Variants in SEMA3A observed in about 807,000 individuals in gnomAD.
The protein encoded by SEMA3A is semaphorin 3A.
A neutral mutation model predicts 97.9 loss-of-function variants in SEMA3A; 29 were observed. The observed-to-expected ratio is 0.30, with a 90% CI of 0.22 to 0.40. SEMA3A has a LOEUF of 0.40. Among genes scored for constraint, SEMA3A ranks in the 10% least tolerant of loss-of-function variants. The pLI, the probability that SEMA3A is intolerant of heterozygous loss-of-function variation, is 1.00. For synonymous variants in SEMA3A, 321 were observed against 323.7 expected, an observed-to-expected ratio of 0.99 and a Z score of 0.09; for missense variants, 763 against 951.3, an observed-to-expected ratio of 0.80 and a Z score of 2.60.
chr7:84,456,991 C>T (rs1000167860), intron 1 of SEMA3A, among the ~76,000 whole-genome samples: 3 of 151,534 alleles, frequency 2.0e-5, no homozygotes, highest in Admixed American at 6.6e-5. Flanking sequence ...TTTCAGATAG[C>T]AAGCATACTG....
At chr7:84,331,500 G>A (rs1019391067) in intron 2 of SEMA3A, among the ~76,000 whole-genome samples, 5 of 152,060 alleles carry the variant, frequency 3.3e-5, no homozygotes, top group Admixed American at 6.6e-5. Context: ...CATTGAAATT[G>A]TTCTTTATTA....
At chr7:83,995,878 A>T (rs930118907) in intron 12 of SEMA3A, among the ~76,000 whole-genome samples, 1 of 152,210 alleles carries the variant, frequency 6.6e-6, no homozygotes, top group Non-Finnish European at 1.5e-5. Flanking sequence ...ACTTTTTTAG[A>T]ATGAGTTTAT....
chr7:84,035,375 G>C (rs976849677), intron 6 of SEMA3A, among the ~76,000 whole-genome samples: 12 of 151,892 alleles, frequency 7.9e-5, no homozygotes, highest in African/African-American at 2.9e-4. Flanking sequence ...TAAAATTACT[G>C]GCATGTAAAA....
intron 2 of SEMA3A, among the ~76,000 whole-genome samples, chr7:84,339,567 T>G (rs1417603502): frequency 2.0e-5 from 3 of 152,144 alleles, no homozygotes; most frequent in Non-Finnish European, 2.9e-5. Flanking sequence ...GTATGGTGAC[T>G]TAAAGAATGT....
chr7:84,492,363 T>C (rs1461323648), intron 1 of SEMA3A: 3 of 152,158 alleles, frequency 2.0e-5, no homozygotes, highest in East Asian at 3.9e-4. Flanking sequence ...AGCTTTGTCC[T>C]AGTTCACTTT....
At chr7:84,134,622 G>T (rs866691702) in intron 2 of SEMA3A, among the ~76,000 whole-genome samples, 172 bp downstream of exon 2, 4 of 152,112 alleles carry the variant, frequency 2.6e-5, no homozygotes, top group Middle Eastern at 3.4e-3. Flanking sequence ...GATATTTTTT[G>T]ATTTATTGCA....
chr7:84,240,318 G>C (rs917830060), intron 3 of SEMA3A, among the ~76,000 whole-genome samples: 1 of 151,508 alleles, frequency 6.6e-6, no homozygotes, highest in Non-Finnish European at 1.5e-5. Flanking sequence ...GAGTGGCGAA[G>C]TTTTGCAGAT....
chr7:84,012,055 G>GTT (rs1404342073), intron 7 of SEMA3A, among the ~76,000 whole-genome samples: 3 of 152,108 alleles, frequency 2.0e-5, no homozygotes, highest in Non-Finnish European at 4.4e-5. Flanking sequence ...GATGCAGAGA[G>GTT]TAGAATGGTG....
At chr7:83,993,103 G>A (rs1321448782) in intron 12 of SEMA3A, among the ~76,000 whole-genome samples, 1 of 143,136 alleles carries the variant, frequency 7.0e-6, no homozygotes, top group African/African-American at 2.6e-5. Context: ...ATCTTTGTTG[G>A]TTTCAAGTCT....
intron 1 of SEMA3A, among the ~76,000 whole-genome samples, chr7:84,405,362 G>T (rs1804049624): frequency 6.6e-6 from 1 of 152,142 alleles, no homozygotes; most frequent in South Asian, 2.1e-4. Context: ...AAATATATAT[G>T]CACCCAATAC....
chr7:84,470,999 C>T (rs970341045), intron 1 of SEMA3A, among the ~76,000 whole-genome samples: 8 of 151,960 alleles, frequency 5.3e-5, no homozygotes, highest in African/African-American at 1.4e-4. Context: ...AGAGATGGGC[C>T]TATTTTAACA....
At chr7:84,384,864 G>A (rs536322557) in intron 1 of SEMA3A, among the ~76,000 whole-genome samples, 2 of 152,080 alleles carry the variant, frequency 1.3e-5, no homozygotes, top group Non-Finnish European at 2.9e-5. Context: ...AATTGCAGAT[G>A]AAACAGTCTG....
At chr7:84,484,448 T>C (rs901178744) in intron 1 of SEMA3A, among the ~76,000 whole-genome samples, 15 of 152,230 alleles carry the variant, frequency 9.9e-5, no homozygotes, top group Admixed American at 7.9e-4. Context: ...AAAATTCTTC[T>C]TTTTAATTTA....
At chr7:84,391,352 G>C (rs1803569957) in intron 1 of SEMA3A, among the ~76,000 whole-genome samples, 1 of 152,070 alleles carries the variant, frequency 6.6e-6, no homozygotes, top group African/African-American at 2.4e-5. Flanking sequence ...AATCTGGCTA[G>C]GAAACATATG....
chr7:83,993,787 A>C (rs375755490), intron 12 of SEMA3A, among the ~76,000 whole-genome samples: 1 of 125,290 alleles, frequency 8.0e-6, no homozygotes, highest in African/African-American at 3.2e-5. Flanking sequence ...TCTGACAATT[A>C]TGTGTCTTGG....
intron 4 of SEMA3A, among the ~76,000 whole-genome samples, chr7:84,083,123 C>T (rs1471937676): frequency 6.6e-6 from 1 of 151,404 alleles, no homozygotes; most frequent in Admixed American, 6.6e-5. Flanking sequence ...GGTAAATAAA[C>T]CAATGTATGA....
intron 3 of SEMA3A, among the ~76,000 whole-genome samples, chr7:84,301,582 A>T (rs1451598812): frequency 6.6e-6 from 1 of 152,134 alleles, no homozygotes; most frequent in East Asian, 1.9e-4. Context: ...AAGTTTTGCT[A>T]GGATGTAGAG....
chr7:84,177,610 CT>C, intron 1 of SEMA3A, among the ~76,000 whole-genome samples: 1 of 152,012 alleles, frequency 6.6e-6, no homozygotes, highest in East Asian at 1.9e-4. Flanking sequence ...GAAAAAAACC[CT>C]AGTAATTTTT....
intron 1 of SEMA3A, among the ~76,000 whole-genome samples, chr7:84,476,824 G>A (rs1479918223): frequency 6.6e-6 from 1 of 151,834 alleles, no homozygotes; most frequent in Non-Finnish European, 1.5e-5. Context: ...TCTTCACTGT[G>A]CTGACATTAA....
Sources: gnomAD v4.1 joint callset for allele counts (sites outside exome capture counted in the v4.1 genomes callset) on GRCh38, gnomAD v4.1.1 for gene constraint, MANE v1.5 for transcripts, NCBI Gene and HGNC (gene_info 2026-07-23, HGNC 2026-07-21) for gene names.